The following HSD3B1 variants were observed in gnomAD, a reference collection of about 807,000 sequenced individuals.
The protein encoded by HSD3B1 is hydroxy-delta-5-steroid dehydrogenase, 3 beta- and steroid delta-isomerase 1, also known as 3 beta-hydroxysteroid dehydrogenase/Delta 5-->4-isomerase type 1.
In HSD3B1, 11 loss-of-function variants were observed where a neutral mutation model predicts 10.4. The observed-to-expected ratio is 1.05, with a 90% CI of 0.66 to 1.75. The LOEUF (loss-of-function observed/expected upper bound fraction) is 1.75, where lower values mean the gene tolerates loss of function less well. Ranked by LOEUF, HSD3B1 falls within the 40% of genes most tolerant of loss-of-function variation. The pLI is 0.00. For missense variants in HSD3B1, 490 were observed against 454.5 expected (o/e 1.08, Z -0.71); for synonymous variants, 217 against 185.4 (o/e 1.17, Z -1.39).
intron 3 of HSD3B1, among the ~76,000 whole-genome samples, chr1:119,512,279 T>C (rs1570880146): frequency 6.6e-6 from 1 of 152,324 alleles, no homozygotes; most frequent in East Asian, 1.9e-4. Context: ...TACAGTCTCT[T>C]CAGCTCACCA....
chr1:119,510,680 C>T (rs991728955), intron 2 of HSD3B1, among the ~76,000 whole-genome samples: 7 of 100,050 alleles, frequency 7.0e-5, no homozygotes, highest in African/African-American at 2.3e-4. Context: ...CACAACCCTG[C>T]TTTTGTTCCT....
At position 119,511,495 on chromosome 1, in the gene HSD3B1, T is replaced by G. The variant is rs1441782466; in HGVS notation, c.146-8T>G. 2 of 1,613,648 alleles carry G rather than the reference T, an allele frequency of 1.2e-6. No homozygotes were observed. The highest frequency in any genetic ancestry group is 2.2e-5 in the South Asian group (2 of 91,062). ...ATCATTCCAATGACCTGACCTGTGTTCACACAGAACTCCAGAACAAGACCA... is the reference window on the plus strand; with the variant it reads ...ATCATTCCAATGACCTGACCTGTGTGCACACAGAACTCCAGAACAAGACCA... On this transcript the variant is annotated splice_region_variant and splice_polypyrimidine_tract_variant and intron_variant, in intron 2 of 3. Transcript: ENST00000369413.
Position 119,514,914 on chromosome 1 carries a change from A to G in HSD3B1, c.*269A>G. On this transcript the variant is annotated 3_prime_UTR_variant, in exon 4 of 4. Transcript: ENST00000369413. The stretch of plus-strand genomic sequence containing the variant: ...CTCAGTAGCTGATTCTGAACAATTT[A>G]GGGACTCTTTTAACTTGAGGGTCGT... 1 of 489,598 alleles carries G rather than the reference A, an allele frequency of 2.0e-6. No individual in the cohort carries two copies. The highest frequency in any genetic ancestry group is 2.6e-5 in the South Asian group (1 of 37,832). 30.3% of individuals were successfully genotyped at this position (489,598 alleles called of 1,614,324 possible).
At chr1:119,510,654 G>A (rs1332720344) in intron 2 of HSD3B1, among the ~76,000 whole-genome samples, 1 of 141,264 alleles carries the variant, frequency 7.1e-6, no homozygotes, top group Non-Finnish European at 1.5e-5. Flanking sequence ...CTCAAGCCAA[G>A]ATTAACTTCC....
chr1:119,511,836 A>G, intron 3 of HSD3B1, 169 bp downstream of exon 3: 2 of 640,304 alleles, frequency 3.1e-6, no homozygotes, highest in Non-Finnish European at 5.4e-6. Context: ...TTAGTTTTTT[A>G]GATGATAAAA....
At chr1:119,508,813 C>G (rs1364286897) in intron 2 of HSD3B1, among the ~76,000 whole-genome samples, 1 of 152,246 alleles carries the variant, frequency 6.6e-6, no homozygotes, top group African/African-American at 2.4e-5. Context: ...ACACCCAACA[C>G]TCTACTTTTG....
At position 119,511,567 on chromosome 1, in the gene HSD3B1, G is replaced by C. The variant is rs138025303; in HGVS notation, c.210G>C (p.Lys70Asn). ...EGDILDEPFL[K>N]RACQDVSVII... ...ACATTCTGGATGAGCCATTCCTGAAGAGAGCCTGCCAGGACGTCTCGGTCA... is the reference window on the plus strand; with the variant it reads ...ACATTCTGGATGAGCCATTCCTGAACAGAGCCTGCCAGGACGTCTCGGTCA... Residue 70 changes from lysine to asparagine, a missense_variant, in exon 3 of 4, where the codon AAG becomes AAC. Coordinates refer to ENST00000369413, the MANE Select transcript of HSD3B1 (RefSeq NM_000862.3). 107 of 1,613,616 alleles carry C rather than the reference G, an allele frequency of 6.6e-5. No homozygotes were observed. Among genetic ancestry groups the C allele is most frequent in the Non-Finnish European group, 8.5e-5 (100 of 1,179,752 alleles).
chr1:119,510,191 C>T (rs1453235427), intron 2 of HSD3B1, among the ~76,000 whole-genome samples: 5 of 152,190 alleles, frequency 3.3e-5, no homozygotes, highest in East Asian at 1.9e-4. Context: ...TTACTGGCAG[C>T]GTCACTTCCT....
Position 119,513,989 on chromosome 1 carries a change from C to G in HSD3B1, c.466C>G (p.Pro156Ala). The G allele has an allele frequency of 1.9e-6, 3 of 1,614,116 alleles. No individual in the cohort carries two copies. The highest frequency in any genetic ancestry group is 2.2e-5 in the South Asian group (2 of 91,084). Reference sequence around the variant, plus strand: ...GGAAAACACATGGCCCGCTCCATACCCACACAGCAAAAAGCTTGCTGAGAA... The same window carrying G: ...GGAAAACACATGGCCCGCTCCATACGCACACAGCAAAAAGCTTGCTGAGAA... ...PLENTWPAPY[P>A]HSKKLAEKAV... The change falls in exon 4 of 4, where the codon CCA becomes GCA. Residue 156 changes from proline to alanine, a missense_variant. Coordinates refer to ENST00000369413, the MANE Select transcript of HSD3B1 (RefSeq NM_000862.3).
intron 2 of HSD3B1, among the ~76,000 whole-genome samples, chr1:119,509,428 C>T (rs933184266): frequency 1.3e-5 from 2 of 152,334 alleles, no homozygotes; most frequent in East Asian, 3.9e-4. Flanking sequence ...GTACCTTTTC[C>T]TAGTCCCTCT....
Position 119,511,529 on chromosome 1 carries a change from G to A in HSD3B1, c.172G>A (p.Val58Met), listed in dbSNP as rs1008110769. ...SKLQNKTKLT[V>M]LEGDILDEPF... is the part of the protein sequence containing the mutation. ...ACTCCAGAACAAGACCAAGCTGACA[G>A]TGCTGGAAGGAGACATTCTGGATGA... The change falls in exon 3 of 4, where the codon GTG (valine) becomes ATG (methionine). Residue 58 changes from valine to methionine, a missense_variant. Transcript: ENST00000369413. 4 of 1,613,836 alleles carry A rather than the reference G, an allele frequency of 2.5e-6. No homozygotes were observed. Among genetic ancestry groups the A allele is most frequent in the Non-Finnish European group, 3.4e-6 (4 of 1,179,806 alleles).
intron 3 of HSD3B1, 138 bp from the exon 4 acceptor site, chr1:119,513,696 G>C: frequency 1.2e-6 from 1 of 823,188 alleles, no homozygotes; most frequent in East Asian, 2.4e-5. Flanking sequence ...ATCTCAGACA[G>C]AACCACAGAA....
intron 3 of HSD3B1, among the ~76,000 whole-genome samples, chr1:119,513,086 C>G (rs1178941446): frequency 1.3e-5 from 2 of 152,184 alleles, no homozygotes; most frequent in African/African-American, 4.8e-5. Context: ...AGCCCTCCAC[C>G]AGGCTCCACA....
intron 3 of HSD3B1, among the ~76,000 whole-genome samples, chr1:119,513,011 C>A (rs929783585): frequency 1.3e-5 from 2 of 152,194 alleles, no homozygotes; most frequent in African/African-American, 4.8e-5. Flanking sequence ...TTCTACACAG[C>A]TCAGGGGAGG....
intron 2 of HSD3B1, among the ~76,000 whole-genome samples, chr1:119,510,317 A>T (rs587598105): frequency 6.6e-6 from 1 of 152,204 alleles, no homozygotes; most frequent in South Asian, 2.1e-4. Context: ...CCTGCTTTTG[A>T]TGATATCTGA....
intron 2 of HSD3B1, among the ~76,000 whole-genome samples, chr1:119,508,806 C>T (rs1308473575): frequency 6.6e-6 from 1 of 152,232 alleles, no homozygotes; most frequent in Admixed American, 6.5e-5. Flanking sequence ...AGGGACCACA[C>T]CCAACACTCT....
intron 2 of HSD3B1, among the ~76,000 whole-genome samples, chr1:119,509,205 A>G (rs1422148518): frequency 1.3e-5 from 2 of 152,204 alleles, no homozygotes; most frequent in East Asian, 3.9e-4. Flanking sequence ...AACTTTTTGA[A>G]GGTCCCACAG....
intron 3 of HSD3B1, among the ~76,000 whole-genome samples, chr1:119,512,508 C>T (rs1557896021): frequency 6.6e-6 from 1 of 152,048 alleles, no homozygotes; most frequent in Admixed American, 6.6e-5. Context: ...CCCGGCCTGG[C>T]CCTCCGCATT....
At chr1:119,513,420 G>A (rs1453208608) in intron 3 of HSD3B1, among the ~76,000 whole-genome samples, 1 of 152,154 alleles carries the variant, frequency 6.6e-6, no homozygotes, top group African/African-American at 2.4e-5. Flanking sequence ...CCTAAGGACT[G>A]GAACTGTCCA....
Sources: gnomAD v4.1 joint callset for allele counts (sites outside exome capture counted in the v4.1 genomes callset) on GRCh38, gnomAD v4.1.1 for gene constraint, MANE v1.5 for transcripts, NCBI Gene and HGNC (gene_info 2026-07-23, HGNC 2026-07-21) for gene names.